Variants in ELOVL6 observed in about 807,000 individuals in gnomAD.
The protein encoded by ELOVL6 is ELOVL fatty acid elongase 6, also known as very long chain fatty acid elongase 6.
In ELOVL6, 8 loss-of-function variants were observed where a neutral mutation model predicts 31.7. That is an observed-to-expected ratio of 0.25 (90% CI 0.15 to 0.45). The LOEUF (loss-of-function observed/expected upper bound fraction) is 0.45, where lower values mean the gene tolerates loss of function less well. Among genes scored for constraint, ELOVL6 ranks in the 20% least tolerant of loss-of-function variants. ELOVL6 has a pLI of 1.00. For missense variants in ELOVL6, 126 were observed against 326.4 expected (o/e 0.39, Z 4.73); for synonymous variants, 101 against 117.7 (o/e 0.86, Z 0.92).
At position 110,051,913 on chromosome 4, in the gene ELOVL6, A is replaced by T. The variant is rs1754846960; in HGVS notation, c.374-151T>A. The T allele has an allele frequency of 1.5e-6, 1 of 650,036 alleles. No homozygotes were observed. The highest frequency in any genetic ancestry group is 2.7e-6 in the Non-Finnish European group (1 of 371,088). 40.3% of individuals were successfully genotyped at this position (650,036 alleles called of 1,614,324 possible). Reference sequence around the variant, plus strand: ...TGAACTGGTACTTACTAGCTCTGTGACCCTGGACAAGTTAGTTATCCTCAC... The same window carrying T: ...TGAACTGGTACTTACTAGCTCTGTGTCCCTGGACAAGTTAGTTATCCTCAC... On this transcript the variant is annotated intron_variant, in intron 3 of 3. Transcript: ENST00000302274. The surrounding 1 kb of genome is among the most constrained non-coding windows in gnomAD (Gnocchi z 4.8).
intron 2 of ELOVL6, among the ~76,000 whole-genome samples, chr4:110,084,146 G>C (rs1409495210): frequency 4.8e-4 from 31 of 64,690 alleles, no homozygotes; most frequent in African/African-American, 1.4e-3. Context: ...TGATATATAT[G>C]ATATATATAA....
intron 2 of ELOVL6, among the ~76,000 whole-genome samples, chr4:110,094,846 A>C (rs557610281): frequency 6.6e-6 from 1 of 152,264 alleles, no homozygotes; most frequent in Admixed American, 6.5e-5. Flanking sequence ...GAAAAAGTGA[A>C]GTGACTGGAA....
intron 2 of ELOVL6, among the ~76,000 whole-genome samples, chr4:110,084,424 CACATATA>C (rs1756134496): frequency 4.6e-5 from 1 of 21,838 alleles, no homozygotes; most frequent in Non-Finnish European, 7.7e-5. Flanking sequence ...CATGATATAT[CACATATA>C]TCATATATGA....
chr4:110,095,677 G>T (rs58788911), intron 2 of ELOVL6, among the ~76,000 whole-genome samples: 2 of 152,052 alleles, frequency 1.3e-5, no homozygotes, highest in Non-Finnish European at 2.9e-5. Context: ...TTTTAATTAA[G>T]GTTTAAACAG....
chr4:110,141,767 T>C (rs1158573744), intron 1 of ELOVL6, among the ~76,000 whole-genome samples: 1 of 146,738 alleles, frequency 6.8e-6, no homozygotes, highest in Non-Finnish European at 1.5e-5. Flanking sequence ...TGTATTAGTA[T>C]ATATATACAG....
intron 1 of ELOVL6, among the ~76,000 whole-genome samples, chr4:110,163,156 G>T (rs920949860): frequency 1.3e-5 from 2 of 152,162 alleles, no homozygotes; most frequent in Non-Finnish European, 1.5e-5. Flanking sequence ...ACTTGGGTGC[G>T]AAGCCATACA....
At chr4:110,161,166 T>G (rs1560851053) in intron 1 of ELOVL6, among the ~76,000 whole-genome samples, 2 of 152,284 alleles carry the variant, frequency 1.3e-5, no homozygotes, top group East Asian at 3.9e-4. Context: ...TGTAATGGAT[T>G]ATATACAGCC....
Position 110,084,169 on chromosome 4 carries a change from A to ATATATATATATAACATAACT in ELOVL6, c.221+21327_221+21328insAGTTATGTTATATATATATA. ...ATGATATATATAACATATATGTGAT[A>ATATATATATATAACATAACT]TATATGATATATATAACATATAACT... On this transcript the variant is annotated intron_variant, in intron 2 of 3. Coordinates refer to ENST00000302274, the MANE Select transcript of ELOVL6 (RefSeq NM_024090.3). Among the ~76,000 whole-genome samples the ATATATATATATAACATAACT allele has an allele frequency of 4.6e-5, 2 of 43,084 alleles. 1 individual carries two copies. The highest frequency in any genetic ancestry group is 3.2e-4 in the African/African-American group (2 of 6,322). 28.3% of individuals were successfully genotyped at this position (43,084 alleles called of 152,430 possible).
At chr4:110,095,292 G>A (rs528061365) in intron 2 of ELOVL6, among the ~76,000 whole-genome samples, 2 of 152,184 alleles carry the variant, frequency 1.3e-5, no homozygotes, top group East Asian at 3.9e-4. Context: ...GACCAGCCTG[G>A]CCAACATGGC....
chr4:110,085,048 A>T (rs1016404074), intron 2 of ELOVL6, among the ~76,000 whole-genome samples: 1 of 152,186 alleles, frequency 6.6e-6, no homozygotes, highest in South Asian at 2.1e-4. Context: ...GAGTGTTGGC[A>T]GGGCTGGCTA....
At chr4:110,129,737 G>T (rs1392022674) in intron 1 of ELOVL6, among the ~76,000 whole-genome samples, 1 of 152,168 alleles carries the variant, frequency 6.6e-6, no homozygotes, top group African/African-American at 2.4e-5. Context: ...TGAAGTAAAA[G>T]ATGAAATCAG....
intron 1 of ELOVL6, among the ~76,000 whole-genome samples, chr4:110,109,159 A>G (rs535289217): frequency 2.6e-5 from 4 of 152,326 alleles, no homozygotes; most frequent in East Asian, 1.9e-4. Flanking sequence ...CTGTGGTAAT[A>G]CTTTGTATAC....
chr4:110,158,635 G>GTA lies in ELOVL6; in HGVS notation c.89+39610_89+39611dup, dbSNP rs780807092. On this transcript the variant is annotated intron_variant, in intron 1 of 3. Coordinates refer to ENST00000302274, the MANE Select transcript of ELOVL6 (RefSeq NM_024090.3). ...TATATACACACACATATATACACGT[G>GTA]TATATATATATATATATATATATTT... Among the ~76,000 whole-genome samples, 231 of 81,520 alleles carry GTA rather than the reference G, an allele frequency of 2.8e-3. 2 individuals are homozygous for GTA. The highest frequency in any genetic ancestry group is 0.011 in the South Asian group (28 of 2,450). 53.5% of individuals were successfully genotyped at this position (81,520 alleles called of 152,430 possible).
chr4:110,109,611 T>A (rs988580650), intron 1 of ELOVL6, among the ~76,000 whole-genome samples: 7 of 152,206 alleles, frequency 4.6e-5, no homozygotes, highest in African/African-American at 1.7e-4. Context: ...AGTTCTCACT[T>A]ATGATTGGTA....
At chr4:110,105,400 CA>C in intron 2 of ELOVL6, 96 bp downstream of exon 2, 1 of 1,300,844 alleles carries the variant, frequency 7.7e-7, no homozygotes, top group Non-Finnish European at 1.1e-6. Context: ...ATTCAATAAT[CA>C]AAAATATCAG....
rs548935923 is a variant in ELOVL6, at chr4:110,111,402, T to C, written c.90-5774A>G. On this transcript the variant is annotated intron_variant, in intron 1 of 3. Coordinates refer to ENST00000302274, the MANE Select transcript of ELOVL6 (RefSeq NM_024090.3). The stretch of plus-strand genomic sequence containing the variant: ...TGATGAAAATGTTGACATCCACCCA[T>C]CCATTCAAAATTCAATAAACCTTTC... 2.7e-5 allele frequency among the ~76,000 whole-genome samples: 4 copies of C among 146,292 alleles called. No homozygotes were observed. In the South Asian group the frequency reaches 6.7e-4, roughly 24 times the overall value.
At chr4:110,194,643 C>G (rs946284617) in intron 1 of ELOVL6, among the ~76,000 whole-genome samples, 42 of 152,154 alleles carry the variant, frequency 2.8e-4, no homozygotes, top group Non-Finnish European at 6.0e-4. Flanking sequence ...AAAAGTCGGG[C>G]CCCATTCCAT....
chr4:110,056,126 G>GGGT (rs1553953520), intron 3 of ELOVL6, among the ~76,000 whole-genome samples: 2 of 145,234 alleles, frequency 1.4e-5, no homozygotes, highest in East Asian at 2.0e-4. Context: ...GGGAGCTGGG[G>GGGT]GGGGGGATAC....
chr4:110,164,576 CA>C (rs983584355), intron 1 of ELOVL6, among the ~76,000 whole-genome samples: 1 of 151,718 alleles, frequency 6.6e-6, no homozygotes, highest in East Asian at 2.0e-4. Context: ...CCCATCTCTA[CA>C]AAAAATAGAA....
Sources: allele counts gnomAD v4.1 joint callset (sites outside exome capture counted in the v4.1 genomes callset), GRCh38; gene constraint gnomAD v4.1.1; non-coding constraint Gnocchi (gnomAD v3.1); transcripts MANE v1.5; gene names NCBI Gene and HGNC (gene_info 2026-07-23, HGNC 2026-07-21).